CTNS: variants seen among roughly 807,000 people sequenced by gnomAD.
The protein encoded by CTNS is cystinosin.
In CTNS, 27 loss-of-function variants were observed where a neutral mutation model predicts 43.7. The observed-to-expected ratio is 0.62, with a 90% CI of 0.46 to 0.85. The LOEUF (loss-of-function observed/expected upper bound fraction) is 0.85. Among genes scored for constraint, CTNS ranks in the 40% least tolerant of loss-of-function variants. The pLI is 0.00. For missense variants in CTNS, 457 were observed against 475.4 expected (o/e 0.96, Z 0.36); for synonymous variants, 187 against 190.6 (o/e 0.98, Z 0.16).
chr17:3,638,768 G>GTGAGGAGCGGAGGGCAGC (rs2150885678), intron 2 of CTNS, among the ~76,000 whole-genome samples: 1 of 152,304 alleles, frequency 6.6e-6, no homozygotes, highest in Non-Finnish European at 1.5e-5. Flanking sequence ...CAGGGCAGGT[G>GTGAGGAGCGGAGGGCAGC]TGAGGAGCGG....
intron 5 of CTNS, among the ~76,000 whole-genome samples, chr17:3,649,766 T>TA (rs2075934011): frequency 6.6e-6 from 1 of 151,964 alleles, no homozygotes; most frequent in Non-Finnish European, 1.5e-5. Context: ...GCTCCCACCT[T>TA]ACTGAGCATT....
intron 1 of CTNS, 88 bp from the exon 2 acceptor site, chr17:3,637,018 AG>A: frequency 6.6e-6 from 1 of 152,298 alleles, no homozygotes; most frequent in Non-Finnish European, 1.5e-5. Context: ...CAGCCGAGGC[AG>A]GGGCAGCGGG....
At chr17:3,660,116 GCCTT>G in intron 11 of CTNS, 116 bp from the exon 12 acceptor site, 1 of 1,480,158 alleles carries the variant, frequency 6.8e-7, no homozygotes, top group Non-Finnish European at 9.4e-7. Flanking sequence ...CCACCTAGGG[GCCTT>G]CGTAGCTGGA....
intron 3 of CTNS, among the ~76,000 whole-genome samples, chr17:3,642,266 G>T (rs1054002560): frequency 4.0e-5 from 6 of 151,810 alleles, no homozygotes; most frequent in African/African-American, 1.5e-4. Flanking sequence ...CCAGTTACCT[G>T]GAGGGGAAGC....
At chr17:3,641,243 G>A (rs951742374) in intron 3 of CTNS, among the ~76,000 whole-genome samples, 2 of 150,906 alleles carry the variant, frequency 1.3e-5, no homozygotes, top group Non-Finnish European at 2.9e-5. Context: ...TTCTCCCACT[G>A]CCCAAAACAT....
chr17:3,641,217 C>T (rs940003435), intron 3 of CTNS, among the ~76,000 whole-genome samples: 4 of 151,486 alleles, frequency 2.6e-5, no homozygotes, highest in South Asian at 4.2e-4. Flanking sequence ...CTTTGAGGCC[C>T]GTGCCCTTCT....
chr17:3,660,407 GC>G lies in CTNS; in HGVS notation c.*41del. ...CAGTGTACCCAGCCTCTGGCCTCGT[GC>G]CCTGCTGGGGAAGGCCTCACCCAGC... On this transcript the variant is annotated 3_prime_UTR_variant, in exon 12 of 12. Transcript: ENST00000046640. 1 of 1,614,060 alleles carries G rather than the reference GC, an allele frequency of 6.2e-7. No individual in the cohort carries two copies. The highest frequency in any genetic ancestry group is 8.5e-7 in the Non-Finnish European group (1 of 1,180,050).
At chr17:3,655,878 C>T in intron 7 of CTNS, 1 of 247,912 alleles carries the variant, frequency 4.0e-6, no homozygotes, top group South Asian at 5.3e-5. Context: ...GCAGGGAGAT[C>T]TTGGGCAGGG....
rs2076043548 is a variant in CTNS, at chr17:3,653,560, C to G, written c.226-1438C>G. Among the ~76,000 whole-genome samples, 4 of 152,180 alleles carry G rather than the reference C, an allele frequency of 2.6e-5. No homozygotes were observed. In the South Asian group the frequency reaches 8.3e-4, roughly 32 times the overall value. On this transcript the variant is annotated intron_variant, in intron 5 of 11. Transcript: ENST00000046640. ...TCAGTAAGGATATCATCCTGCTCCC[C>G]ATCACTGCAGCAGGATTTAAGAGTC...
intron 10 of CTNS, among the ~76,000 whole-genome samples, chr17:3,659,591 CG>C (rs2076237882): frequency 6.6e-6 from 1 of 152,200 alleles, no homozygotes; most frequent in African/African-American, 2.4e-5. Context: ...AAGGCCGCAT[CG>C]GCCCCGCCTC....
At chr17:3,657,970 G>T (rs769637978) in intron 9 of CTNS, 35 bp from the exon 10 acceptor site, 16 of 1,603,114 alleles carry the variant, frequency 1.0e-5, no homozygotes, top group Non-Finnish European at 1.1e-5. Context: ...TGGCCTCTGT[G>T]TGGGTCCACA....
intron 4 of CTNS, among the ~76,000 whole-genome samples, chr17:3,648,324 G>A (rs1440378995): frequency 3.3e-5 from 5 of 152,184 alleles, no homozygotes; most frequent in African/African-American, 1.2e-4. Context: ...CCCTGGAGTG[G>A]CCTCCCACTG....
chr17:3,649,076 T>C, intron 5 of CTNS, 145 bp downstream of exon 5: 1 of 737,684 alleles, frequency 1.4e-6, no homozygotes, highest in Non-Finnish European at 2.4e-6. Flanking sequence ...TGGTGTCTTT[T>C]GGGGATGAGT....
chr17:3,645,101 T>C (rs1029375765), intron 3 of CTNS, among the ~76,000 whole-genome samples: 4 of 152,194 alleles, frequency 2.6e-5, no homozygotes, highest in Non-Finnish European at 5.9e-5. Flanking sequence ...CTAGGCAGAA[T>C]TGAACTGGTG....
rs567999441 is a variant in CTNS at position 3,640,253 on chromosome 17, T to C, written c.47T>C (p.Leu16Pro). 1 of 1,614,066 alleles carries C rather than the reference T, an allele frequency of 6.2e-7. No individual in the cohort carries two copies. The highest frequency in any genetic ancestry group is 1.1e-5 in the South Asian group (1 of 91,082). ...ATTTTTATCCTTTTTCCCCTGAAGCTCGTAGAGAAATGTGGTAAGTTTAGA... is the reference window on the plus strand; with the variant it reads ...ATTTTTATCCTTTTTCCCCTGAAGCCCGTAGAGAAATGTGGTAAGTTTAGA... Reference protein sequence around the residue: ...LTIFILFPLKLVEKCESSVSL... With the variant: ...LTIFILFPLKPVEKCESSVSL... Residue 16 changes from leucine to proline, a missense_variant, in exon 3 of 12, where the codon CTC becomes CCC. Leu to Pro is a moderately conservative substitution (Grantham distance 98). Transcript: ENST00000046640.
At chr17:3,639,332 C>CT (rs376117715) in intron 2 of CTNS, among the ~76,000 whole-genome samples, 2 of 152,240 alleles carry the variant, frequency 1.3e-5, no homozygotes, top group East Asian at 3.9e-4. Context: ...CCGAGTCCTC[C>CT]TTGTGAATGA....
intron 4 of CTNS, chr17:3,647,753 C>G: frequency 1.7e-6 from 1 of 605,410 alleles, no homozygotes; most frequent in Non-Finnish European, 3.0e-6. Context: ...GGAAGGGGTG[C>G]TTCTCCCAGA....
intron 3 of CTNS, among the ~76,000 whole-genome samples, chr17:3,647,070 C>G (rs2075860600): frequency 6.6e-6 from 1 of 152,238 alleles, no homozygotes; most frequent in South Asian, 2.1e-4. Flanking sequence ...CCTGTGCTTT[C>G]ATCTGAAGAG....
rs188241728 is a variant in CTNS, at chr17:3,646,958, C to G, written c.62-486C>G. The stretch of plus-strand genomic sequence containing the variant: ...GTTGGGAAGGGACCCCAAAGGGCTC[C>G]TTAGAAACTCATTAGCTGGGCCCAT... On this transcript the variant is annotated intron_variant, in intron 3 of 11. Transcript: ENST00000046640. Among the ~76,000 whole-genome samples, 126 of 152,314 alleles carry G rather than the reference C, an allele frequency of 8.3e-4. 1 individual carries two copies. Among genetic ancestry groups the G allele is most frequent in the African/African-American group, 3.0e-3 (125 of 41,568 alleles).
Sources: gnomAD v4.1 joint callset for allele counts (sites outside exome capture counted in the v4.1 genomes callset) on GRCh38, gnomAD v4.1.1 for gene constraint, MANE v1.5 for transcripts, NCBI Gene and HGNC (gene_info 2026-07-23, HGNC 2026-07-21) for gene names.